APOL3: variants seen among roughly 807,000 people sequenced by gnomAD.
APOL3 encodes the protein TNF-inducible protein CG12-1.
APOL3 carries 14 observed loss-of-function variants against 11.6 expected under a neutral mutation model. The ratio of observed to expected loss-of-function variants is 1.21; its 90% CI spans 0.80 to 1.89. The LOEUF is 1.89. Among genes scored for constraint, APOL3 ranks in the 40% most tolerant of loss-of-function variants. The probability of loss-of-function intolerance (pLI) is 0.00; values close to 1 mark genes in which losing one functional copy is unlikely to be tolerated. For synonymous variants in APOL3, 192 were observed against 190.6 expected (o/e 1.01, Z -0.06); for missense variants, 483 against 492.1 (o/e 0.98, Z 0.17).
chr22:36,160,615 T>A (rs746219626), intron 1 of APOL3, 54 bp downstream of exon 1: 1 of 1,578,280 alleles, frequency 6.3e-7, no homozygotes, highest in Admixed American at 1.7e-5. Context: ...CCTTCTCTTA[T>A]AGAGCTGCTG....
chr22:36,151,474 CAA>C (rs1048793095), intron 1 of APOL3, among the ~76,000 whole-genome samples: 4 of 148,338 alleles, frequency 2.7e-5, no homozygotes, highest in Non-Finnish European at 1.5e-5. Flanking sequence ...GATGATGGAA[CAA>C]AAAAGACTTC....
rs140966871 is a variant in APOL3, at chr22:36,145,480, A to G, written c.343T>C (p.Leu115=). 3.3e-5 allele frequency: 53 copies of G among 1,614,056 alleles called. No individual in the cohort carries two copies. The African/African-American group carries it at 3.5e-4, about 11-fold the overall frequency. ...TAACCCCACGGAGGTTACCTGGGCA[A>G]TTCAGCCGCAGTCACGAATCTCTTC... The change falls in exon 2 of 3, where the codon TTG becomes CTG. Residue 115 remains leucine (L), a synonymous_variant. Coordinates refer to ENST00000349314, the Ensembl canonical transcript of APOL3.
upstream of APOL3, chr22:36,165,703 G>A (rs2013842668): frequency 1.3e-5 from 2 of 152,022 alleles, no homozygotes; most frequent in African/African-American, 2.4e-5. Flanking sequence ...ATCTACGTGG[G>A]CCCCTTGGAT....
At position 36,141,188 on chromosome 22, in the gene APOL3, A is replaced by G. The variant is rs926772869; in HGVS notation, c.*12T>C. 1.0e-5 allele frequency: 16 copies of G among 1,607,094 alleles called. No homozygotes were observed. In the African/African-American group the frequency reaches 2.1e-4, roughly 22 times the overall value. On this transcript the variant is annotated 3_prime_UTR_variant, in exon 3 of 3. Transcript: ENST00000349314. ...ATGGCTCACCTCCCCTGCTGGCTGC[A>G]CTGGTCTGGGGTCAGTGGGTATGGC...
At chr22:36,145,007 C>G (rs1249568477) in intron 2 of APOL3, among the ~76,000 whole-genome samples, 2 of 94,950 alleles carry the variant, frequency 2.1e-5, no homozygotes, top group African/African-American at 9.2e-5. Context: ...AAGACTCTGT[C>G]TCAAAAAAAA....
intron 1 of APOL3, among the ~76,000 whole-genome samples, chr22:36,148,152 G>T (rs1279098959): frequency 6.6e-6 from 1 of 152,158 alleles, no homozygotes; most frequent in East Asian, 1.9e-4. Context: ...TTCATGACTT[G>T]CTTCTTCCTC....
At chr22:36,147,076 C>A (rs1005797566) in intron 1 of APOL3, among the ~76,000 whole-genome samples, 1 of 152,188 alleles carries the variant, frequency 6.6e-6, no homozygotes, top group Non-Finnish European at 1.5e-5. Context: ...TCAAGGCCAG[C>A]GTTCCCTTGC....
intron 1 of APOL3, 40 bp from the exon 2 acceptor site, chr22:36,149,182 C>A (rs1316008359): frequency 1.5e-6 from 2 of 1,339,432 alleles, no homozygotes; most frequent in Non-Finnish European, 9.9e-7. Context: ...TGAATGTGAG[C>A]CACCTGTGGA....
chr22:36,148,023 T>C (rs2060283361), intron 1 of APOL3, among the ~76,000 whole-genome samples: 1 of 152,242 alleles, frequency 6.6e-6, no homozygotes, highest in South Asian at 2.1e-4. Flanking sequence ...AAACATAATT[T>C]GACAACTGCA....
intron 1 of APOL3, among the ~76,000 whole-genome samples, chr22:36,152,725 A>G (rs985434723): frequency 6.6e-6 from 1 of 152,182 alleles, no homozygotes; most frequent in African/African-American, 2.4e-5. Context: ...CCAGAAGCCA[A>G]ACTCAAGTGC....
intron 1 of APOL3, among the ~76,000 whole-genome samples, chr22:36,155,134 T>C (rs2146863316): frequency 6.6e-6 from 1 of 152,282 alleles, no homozygotes; most frequent in Admixed American, 6.5e-5. Context: ...TTCCATGGTT[T>C]CTGTAGTGAG....
intron 1 of APOL3, chr22:36,153,445 T>C: frequency 2.2e-6 from 1 of 455,290 alleles, no homozygotes; most frequent in Non-Finnish European, 4.4e-6. Flanking sequence ...AGTACGGATG[T>C]TGTCATTTTA....
Position 36,160,656 on chromosome 22 carries a change from A to G in APOL3, c.223+13T>C, listed in dbSNP as rs781494148. The G allele has an allele frequency of 1.2e-6, 2 of 1,613,464 alleles. No individual in the cohort carries two copies. The highest frequency in any genetic ancestry group is 1.7e-6 in the Non-Finnish European group (2 of 1,179,600). On this transcript the variant is annotated intron_variant, in intron 1 of 2. Coordinates refer to ENST00000349314, the Ensembl canonical transcript of APOL3. ...ATGGGGAGATGGGGAAGGTCAGACC[A>G]CCCCTAACTTACCAAGGAAGCTTCT...
exon 3 of APOL3, chr22:36,141,301 C>G: frequency 6.2e-7 from 1 of 1,614,186 alleles, no homozygotes; most frequent in Non-Finnish European, 8.5e-7. Flanking sequence ...TCAGCAGATG[C>G]AGACTTTGCC....
At position 36,142,095 on chromosome 22, in the gene APOL3, C is replaced by CT. The variant is rs1338717673; in HGVS notation, c.351-38dup. On this transcript the variant is annotated intron_variant, in intron 2 of 2. Coordinates refer to ENST00000349314, the Ensembl canonical transcript of APOL3. ...AAGGACAGATGATTAAGAAAGGCAG[C>CT]TTACTTATCTGTAAAATCAGCTCAA... 1.9e-6 allele frequency: 3 copies of CT among 1,548,846 alleles called. No individual in the cohort carries two copies. In the African/African-American group the frequency reaches 4.1e-5, roughly 21 times the overall value.
rs535087800 is a variant in APOL3 at position 36,152,867 on chromosome 22, A to C, written c.224-7268T>G. Among the ~76,000 whole-genome samples the C allele has an allele frequency of 6.6e-5, 10 of 152,290 alleles. No homozygotes were observed. The South Asian group carries it at 2.1e-3, about 32-fold the overall frequency. ...TTCACATCTGTAATCCCAGCACTTT[A>C]GGAAGCTGAGGTGGGTGGATCACCT... On this transcript the variant is annotated intron_variant, in intron 1 of 2. Transcript: ENST00000349314.
upstream of APOL3, among the ~76,000 whole-genome samples, chr22:36,162,738 T>C (rs979488755): frequency 3.3e-5 from 5 of 152,318 alleles, no homozygotes; most frequent in East Asian, 9.6e-4. Context: ...AGATTACTGG[T>C]CCAGAACTCC....
chr22:36,147,104 C>T (rs918294691), intron 1 of APOL3, among the ~76,000 whole-genome samples: 2 of 152,144 alleles, frequency 1.3e-5, no homozygotes, highest in Admixed American at 6.5e-5. Context: ...TTGAAGACTC[C>T]ATATATTTTG....
intron 1 of APOL3, chr22:36,153,558 C>T: frequency 5.4e-6 from 2 of 370,922 alleles, no homozygotes; most frequent in South Asian, 3.9e-5. Flanking sequence ...GCTTCTTTTC[C>T]ACCCAAAGGA....
Sources: gnomAD v4.1 joint callset for allele counts (sites outside exome capture counted in the v4.1 genomes callset) on GRCh38, gnomAD v4.1.1 for gene constraint, MANE v1.5 for transcripts, NCBI Gene and HGNC (gene_info 2026-07-23, HGNC 2026-07-21) for gene names.